The following LRRC69 variants were observed in gnomAD, a reference collection of about 807,000 sequenced individuals.
LRRC69 encodes leucine-rich repeat-containing protein 69.
LRRC69 carries 42 observed loss-of-function variants against 37.8 expected under a neutral mutation model. The observed-to-expected ratio is 1.11, with a 90% confidence interval of 0.87 to 1.44. The LOEUF is 1.44. Ranked by LOEUF, LRRC69 falls within the 40% of genes most tolerant of loss-of-function variation. The pLI is 0.00. For missense variants in LRRC69, 357 were observed against 401.9 expected (o/e 0.89, Z 0.96); for synonymous variants, 141 against 143.1 (o/e 0.99, Z 0.11).
At chr8:91,212,869 A>G (rs192154012) in intron 7 of LRRC69, among the ~76,000 whole-genome samples, 1 of 151,934 alleles carries the variant, frequency 6.6e-6, no homozygotes, top group Non-Finnish European at 1.5e-5. Context: ...TTTTATTCCA[A>G]AAATAACAAA....
At chr8:91,128,728 G>A (rs998504618) in intron 3 of LRRC69, among the ~76,000 whole-genome samples, 1 of 152,152 alleles carries the variant, frequency 6.6e-6, no homozygotes, top group African/African-American at 2.4e-5. Context: ...ATGGATGTTA[G>A]CTTTTATTAT....
At chr8:91,192,475 G>A (rs1194929295) in intron 6 of LRRC69, among the ~76,000 whole-genome samples, 1 of 151,302 alleles carries the variant, frequency 6.6e-6, no homozygotes, top group African/African-American at 2.4e-5. Flanking sequence ...GTGTAAAAGT[G>A]TTCCTATTTC....
Position 91,152,871 on chromosome 8 carries a change from T to G in LRRC69, c.651+17132T>G, listed in dbSNP as rs530409380. ...ATGATGACATTATCAAATTCACACATAACAATATTTACCTTAAAAGTAAAT... is the reference window on the plus strand; with the variant it reads ...ATGATGACATTATCAAATTCACACAGAACAATATTTACCTTAAAAGTAAAT... On this transcript the variant is annotated intron_variant, in intron 5 of 7. Coordinates refer to ENST00000448384, the Ensembl canonical transcript of LRRC69. 4.0e-5 allele frequency among the ~76,000 whole-genome samples: 6 copies of G among 151,386 alleles called. No homozygotes were observed. The East Asian group carries it at 1.2e-3, about 30-fold the overall frequency.
At chr8:91,110,876 G>C (rs987076260) in intron 1 of LRRC69, among the ~76,000 whole-genome samples, 1 of 152,024 alleles carries the variant, frequency 6.6e-6, no homozygotes, top group Non-Finnish European at 1.5e-5. Context: ...AAAGCATGCA[G>C]CTCATTAGAA....
chr8:91,185,880 G>C (rs917769254), intron 5 of LRRC69, among the ~76,000 whole-genome samples: 20 of 152,008 alleles, frequency 1.3e-4, no homozygotes, highest in Non-Finnish European at 5.9e-5. Flanking sequence ...CCTACTTATT[G>C]GTTCTATTTT....
intron 6 of LRRC69, among the ~76,000 whole-genome samples, chr8:91,192,191 A>C (rs372689717): frequency 5.9e-5 from 9 of 152,086 alleles, no homozygotes; most frequent in South Asian, 2.1e-4. Context: ...TTTTTTATGA[A>C]TGCATAGTAT....
At chr8:91,126,950 A>C in intron 2 of LRRC69, 138 bp from the exon 3 acceptor site, 1 of 652,450 alleles carries the variant, frequency 1.5e-6, no homozygotes. Flanking sequence ...CTAGTTTAAG[A>C]GGGTTTCTGT....
intron 1 of LRRC69, among the ~76,000 whole-genome samples, chr8:91,115,636 CT>C (rs1424657734): frequency 6.6e-6 from 1 of 151,856 alleles, no homozygotes; most frequent in African/African-American, 2.4e-5. Flanking sequence ...CTAAATGTTT[CT>C]TAAATTTTTG....
intron 1 of LRRC69, among the ~76,000 whole-genome samples, chr8:91,123,039 A>G (rs1586230693): frequency 1.3e-5 from 2 of 152,064 alleles, no homozygotes; most frequent in Non-Finnish European, 2.9e-5. Context: ...AAAAGACTTA[A>G]CCAGCCATTG....
chr8:91,109,346 T>A (rs1225608765), intron 1 of LRRC69, among the ~76,000 whole-genome samples: 1 of 152,112 alleles, frequency 6.6e-6, no homozygotes, highest in African/African-American at 2.4e-5. Context: ...CCTTGACTCA[T>A]CTGAAAAGTG....
chr8:91,124,808 A>G, intron 2 of LRRC69, 189 bp downstream of exon 2: 2 of 467,816 alleles, frequency 4.3e-6, no homozygotes, highest in South Asian at 5.7e-5. Context: ...GTTTATTTAC[A>G]TGTAGACCTA....
At chr8:91,191,998 C>A (rs1406670146) in intron 6 of LRRC69, among the ~76,000 whole-genome samples, 1 of 112,438 alleles carries the variant, frequency 8.9e-6, no homozygotes, top group African/African-American at 3.3e-5. Context: ...CTCCCCCCTC[C>A]CCCCACCCCA....
chr8:91,210,890 A>G (rs1474156435), intron 7 of LRRC69, among the ~76,000 whole-genome samples: 1 of 152,142 alleles, frequency 6.6e-6, no homozygotes, highest in Non-Finnish European at 1.5e-5. Flanking sequence ...TTGAAAAAGC[A>G]CATTGAGTTC....
At chr8:91,148,695 A>G (rs1381942695) in intron 5 of LRRC69, among the ~76,000 whole-genome samples, 12 of 151,976 alleles carry the variant, frequency 7.9e-5, no homozygotes, top group East Asian at 5.8e-4. Flanking sequence ...TTACAGTCCC[A>G]CCAACAGTGT....
At chr8:91,124,208 C>T (rs372258013) in intron 1 of LRRC69, among the ~76,000 whole-genome samples, 3 of 152,004 alleles carry the variant, frequency 2.0e-5, no homozygotes, top group African/African-American at 4.8e-5. Flanking sequence ...AATGGATCAT[C>T]GGTTGTGGTT....
At chr8:91,178,007 C>T (rs567476820) in intron 5 of LRRC69, among the ~76,000 whole-genome samples, 2 of 152,098 alleles carry the variant, frequency 1.3e-5, no homozygotes, top group Admixed American at 1.3e-4. Flanking sequence ...CGCCACCACA[C>T]CCGGCTAATT....
intron 1 of LRRC69, among the ~76,000 whole-genome samples, chr8:91,109,551 G>T (rs1188765092): frequency 6.6e-6 from 1 of 151,966 alleles, no homozygotes; most frequent in Non-Finnish European, 1.5e-5. Flanking sequence ...CTAATAATTT[G>T]AAACTCTTGT....
chr8:91,123,807 T>G (rs957875890), intron 1 of LRRC69, among the ~76,000 whole-genome samples: 1 of 152,042 alleles, frequency 6.6e-6, no homozygotes, highest in Non-Finnish European at 1.5e-5. Flanking sequence ...TATCACTTAT[T>G]TATTGGATTA....
At chr8:91,116,408 G>T (rs796748265) in intron 1 of LRRC69, among the ~76,000 whole-genome samples, 21 of 152,004 alleles carry the variant, frequency 1.4e-4, no homozygotes, top group African/African-American at 4.8e-4. Flanking sequence ...CCTGTGCTTT[G>T]CCTACTGCAC....
Sources: allele counts gnomAD v4.1 joint callset (sites outside exome capture counted in the v4.1 genomes callset), GRCh38; gene constraint gnomAD v4.1.1; transcripts MANE v1.5; gene names NCBI Gene and HGNC (gene_info 2026-07-23, HGNC 2026-07-21).